POLA1: variants seen among roughly 807,000 people sequenced by gnomAD.
POLA1 encodes the protein DNA polymerase alpha 1, catalytic subunit, also known as DNA polymerase alpha catalytic subunit.
In POLA1, 15 loss-of-function variants were observed where a neutral mutation model predicts 124.0. That is an observed-to-expected ratio of 0.12 (90% confidence interval 0.08 to 0.19). The LOEUF (loss-of-function observed/expected upper bound fraction) is 0.19, where lower values mean the gene tolerates loss of function less well. Ranked by LOEUF, POLA1 falls within the 10% of genes least tolerant of loss-of-function variation. The pLI is 1.00. For synonymous variants in POLA1, 408 were observed against 389.4 expected (o/e 1.05, Z -0.56); for missense variants, 886 against 1,103.4 (o/e 0.80, Z 2.79).
chrX:24,732,298 G>T, intron 15 of POLA1, 72 bp from the exon 16 acceptor site: 1 of 667,975 alleles, frequency 1.5e-6, no homozygotes, highest in Non-Finnish European at 2.4e-6. Context: ...AAATATTCTT[G>T]GTGATTTTGG....
chrX:24,925,551 AC>A (rs1324347795), intron 35 of POLA1, among the ~76,000 whole-genome samples: 2 of 112,127 alleles, frequency 1.8e-5, no homozygotes, highest in African/African-American at 6.5e-5. Context: ...GTCTTGTCAA[AC>A]CAGTTCAAAA....
At chrX:24,971,940 T>TTATTG (rs1175529357) in intron 36 of POLA1, among the ~76,000 whole-genome samples, 23 of 88,659 alleles carry the variant, frequency 2.6e-4, no homozygotes, top group African/African-American at 1.1e-3. Context: ...AGATTTTATT[T>TTATTG]TATTTTATTT....
At chrX:24,971,252 G>A (rs1160502580) in intron 36 of POLA1, among the ~76,000 whole-genome samples, 1 of 111,713 alleles carries the variant, frequency 9.0e-6, no homozygotes, top group African/African-American at 3.3e-5. Context: ...TCCCAAAGCT[G>A]GGAGTGTATC....
intron 36 of POLA1, among the ~76,000 whole-genome samples, chrX:24,980,740 G>T (rs768194195): frequency 1.8e-5 from 2 of 110,706 alleles, no homozygotes; most frequent in African/African-American, 3.3e-5. Flanking sequence ...GGCAAGTTGT[G>T]TGTGGAGATT....
intron 26 of POLA1, among the ~76,000 whole-genome samples, chrX:24,780,976 A>G (rs758687431): frequency 3.9e-4 from 44 of 112,191 alleles, no homozygotes; most frequent in Admixed American, 6.6e-4. Flanking sequence ...TACAAATTCA[A>G]TTTGTTTGAC....
intron 36 of POLA1, 151 bp from the exon 37 acceptor site, chrX:24,995,654 G>C (rs1056256966): frequency 4.2e-6 from 2 of 478,250 alleles, no homozygotes; most frequent in African/African-American, 4.9e-5. Context: ...AGGAATGGTC[G>C]GCGGGGGCTG....
intron 35 of POLA1, among the ~76,000 whole-genome samples, chrX:24,927,367 G>T (rs886305397): frequency 4.5e-5 from 5 of 111,902 alleles, no homozygotes; most frequent in Non-Finnish European, 7.5e-5. Context: ...AAAAACGGTG[G>T]TATTAAAGCA....
chrX:24,762,502 G>C (rs750783952), intron 26 of POLA1, among the ~76,000 whole-genome samples: 4 of 111,931 alleles, frequency 3.6e-5, no homozygotes, highest in African/African-American at 9.7e-5. Context: ...GAAAGTGTGG[G>C]CTGGAGTTAA....
rs184503503 is a variant in POLA1 at position 24,841,975 on chromosome X, T to G, written c.3915+145T>G. 1.2e-5 allele frequency: 5 copies of G among 413,133 alleles called. No homozygotes were observed. The Admixed American group carries it at 2.6e-4, about 21-fold the overall frequency. 34.0% of individuals were successfully genotyped at this position (413,133 alleles called of 1,213,427 possible). On this transcript the variant is annotated intron_variant, in intron 33 of 36. Coordinates refer to ENST00000379068, the MANE Select transcript of POLA1 (RefSeq NM_001330360.2). Reference sequence around the variant, plus strand: ...TAAAGAATTTTAGCATCATGTGAAATCTACCTTCACAGCTTGCTTTTATTT... The same window carrying G: ...TAAAGAATTTTAGCATCATGTGAAAGCTACCTTCACAGCTTGCTTTTATTT...
chrX:24,819,225 C>T (rs752993544), intron 30 of POLA1, among the ~76,000 whole-genome samples: 2 of 112,375 alleles, frequency 1.8e-5, no homozygotes, highest in African/African-American at 3.2e-5. Context: ...TCAAAAATTA[C>T]GTTTTAAAAT....
At chrX:24,754,544 G>A (rs1389038798) in intron 26 of POLA1, among the ~76,000 whole-genome samples, 2 of 111,540 alleles carry the variant, frequency 1.8e-5, no homozygotes, top group Non-Finnish European at 3.8e-5. Context: ...ATGAGCCACC[G>A]CACCCCGCTG....
intron 36 of POLA1, among the ~76,000 whole-genome samples, chrX:24,938,848 G>A (rs766227715): frequency 4.4e-5 from 5 of 112,400 alleles, no homozygotes; most frequent in Non-Finnish European, 9.4e-5. Flanking sequence ...GGTCACTTTA[G>A]TTGCTTTCCC....
chrX:24,749,834 C>CT (rs1416844927), intron 26 of POLA1, among the ~76,000 whole-genome samples: 1 of 112,327 alleles, frequency 8.9e-6, no homozygotes, highest in Non-Finnish European at 1.9e-5. Flanking sequence ...TTTATGGACA[C>CT]TGTAAGCTTC....
chrX:24,798,451 T>C (rs191964416), intron 26 of POLA1, among the ~76,000 whole-genome samples: 31 of 111,318 alleles, frequency 2.8e-4, no homozygotes, highest in Admixed American at 8.6e-4. Context: ...AAGACCCTTA[T>C]GATGATCTAC....
chrX:24,901,440 C>T (rs1282363213), intron 35 of POLA1, among the ~76,000 whole-genome samples: 1 of 110,885 alleles, frequency 9.0e-6, no homozygotes, highest in African/African-American at 3.3e-5. Flanking sequence ...GAAAAGGGAA[C>T]GATGGGGAAA....
chrX:24,922,957 A>G (rs1438103605), intron 35 of POLA1, among the ~76,000 whole-genome samples: 1 of 112,219 alleles, frequency 8.9e-6, no homozygotes, highest in East Asian at 2.8e-4. Flanking sequence ...TACATGTAAG[A>G]GAGGGCAAAT....
At position 24,996,094 on chromosome X, in the gene POLA1, G is replaced by C. The variant is rs2048602993; in HGVS notation, c.*144G>C. The C allele has an allele frequency of 2.0e-6, 1 of 497,785 alleles. No individual in the cohort carries two copies. The highest frequency in any genetic ancestry group is 4.2e-5 in the Admixed American group (1 of 23,843). 41.0% of individuals were successfully genotyped at this position (497,785 alleles called of 1,213,427 possible). On this transcript the variant is annotated 3_prime_UTR_variant, in exon 37 of 37. Coordinates refer to ENST00000379068, the MANE Select transcript of POLA1 (RefSeq NM_001330360.2). ...GTTTGTGTGAATGTAGACCAGGAAA[G>C]GGGGCTGCAAAAATGTTGAGTCTAA...
intron 35 of POLA1, among the ~76,000 whole-genome samples, chrX:24,912,665 A>G (rs1363730699): frequency 8.9e-6 from 1 of 112,203 alleles, no homozygotes; most frequent in Admixed American, 9.4e-5. Context: ...GGCTGGGTAC[A>G]GTGGCTCACA....
intron 31 of POLA1, 92 bp from the exon 32 acceptor site, chrX:24,826,335 T>C (rs2046169987): frequency 1.7e-6 from 1 of 581,977 alleles, no homozygotes; most frequent in African/African-American, 2.3e-5. Context: ...TTGTTGCCTC[T>C]CTGTTTGACC....
Sources: allele counts gnomAD v4.1 joint callset (sites outside exome capture counted in the v4.1 genomes callset), GRCh38; gene constraint gnomAD v4.1.1; transcripts MANE v1.5; gene names NCBI Gene and HGNC (gene_info 2026-07-23, HGNC 2026-07-21).